The following GBP2 variants were observed in gnomAD, a reference collection of about 807,000 sequenced individuals.
GBP2 encodes guanylate binding protein 2, also known as guanylate-binding protein 2.
Under a neutral mutation model 60.8 loss-of-function variants are expected in GBP2, and 54 were observed. The observed-to-expected ratio is 0.89, with a 90% CI of 0.71 to 1.11. GBP2 has a LOEUF of 1.11. Among genes scored for constraint, GBP2 ranks in the 50% most tolerant of loss-of-function variants. The pLI, the probability that GBP2 is intolerant of heterozygous loss-of-function variation, is 0.00. For synonymous variants in GBP2, 243 were observed against 256.5 expected (o/e 0.95, Z 0.50); for missense variants, 665 against 703.3 (o/e 0.95, Z 0.62).
At chr1:89,116,534 C>T (rs1681276881) in intron 6 of GBP2, among the ~76,000 whole-genome samples, 1 of 151,320 alleles carries the variant, frequency 6.6e-6, no homozygotes, top group African/African-American at 2.4e-5. Flanking sequence ...GGATAAAAGT[C>T]ACATTTCTTT....
chr1:89,125,110 G>A (rs1681494167), intron 1 of GBP2, among the ~76,000 whole-genome samples: 1 of 152,180 alleles, frequency 6.6e-6, no homozygotes, highest in African/African-American at 2.4e-5. Context: ...TGCCTTGAAT[G>A]TCTCAATCCC....
chr1:89,121,245 C>A lies in GBP2; in HGVS notation c.216G>T (p.Lys72Asn), dbSNP rs878926387. The A allele has an allele frequency of 2.5e-6, 4 of 1,610,756 alleles. No homozygotes were observed. The highest frequency in any genetic ancestry group is 3.4e-6 in the Non-Finnish European group (4 of 1,178,054). ...ACATCCAGATTCCCTTGGTGTGAGA[C>A]TTCACTGTGGAGCCTAGAGAGAAGC... The part of the protein sequence containing the change: ...KNGFSLGSTV[K>N]SHTKGIWMWC... Residue 72 changes from lysine (K) to asparagine (N), a missense_variant, in exon 3 of 11, where the codon AAG becomes AAT. Lys to Asn is a moderately conservative substitution (Grantham distance 94). Transcript: ENST00000370466.
rs1439880872 is a variant in GBP2, at chr1:89,121,174, A to C, written c.287T>G (p.Leu96Arg). 1 of 1,612,986 alleles carries C rather than the reference A, an allele frequency of 6.2e-7. No homozygotes were observed. Among genetic ancestry groups the C allele is most frequent in the African/African-American group, 1.3e-5 (1 of 74,934 alleles). Residue 96 changes from leucine (L) to arginine (R), a missense_variant, in exon 3 of 11, where the codon CTC (leucine) becomes CGC (arginine). Transcript: ENST00000370466. ...PKKPEHTLVL[L>R]DTEGLGDIEK... ...TATATCTCCCAGGCCCTCAGTGTCG[A>C]GCAGAACTAGGGTGTGTTCTGGCTT...
intron 4 of GBP2, chr1:89,118,964 A>G (rs1037244749): frequency 6.6e-6 from 1 of 152,208 alleles, no homozygotes; most frequent in Admixed American, 6.5e-5. Context: ...GAAGCTGGAT[A>G]CAAAAGTTTG....
intron 1 of GBP2, 146 bp from the exon 2 acceptor site, chr1:89,122,129 T>G: frequency 2.0e-6 from 1 of 505,818 alleles, no homozygotes; most frequent in Non-Finnish European, 3.4e-6. Context: ...TCTTTAAGGC[T>G]GTCTTACAAA....
rs1681062704 is a variant in GBP2 at position 89,106,807 on chromosome 1, A to G, written c.*1368T>C. 1 of 152,202 alleles carries G rather than the reference A, an allele frequency of 6.6e-6. No individual in the cohort carries two copies. The highest frequency in any genetic ancestry group is 6.5e-5 in the Admixed American group (1 of 15,288). 9.4% of individuals were successfully genotyped at this position (152,202 alleles called of 1,614,324 possible). A position where few individuals can be genotyped will look rare whatever the true frequency, so the allele number is the denominator to read the frequency against. ...GTGAGGCTTAGCTGGAGATGTGAGC[A>G]GCTCAAAGATGCAACTTTTCATGGG... On this transcript the variant is annotated 3_prime_UTR_variant, in exon 11 of 11. Transcript: ENST00000370466.
At chr1:89,114,420 G>C (rs903428371) in intron 6 of GBP2, 124 bp from the exon 7 acceptor site, 1 of 1,179,046 alleles carries the variant, frequency 8.5e-7, no homozygotes, top group Non-Finnish European at 1.2e-6. Flanking sequence ...AATAGTAATG[G>C]AATAATTTGT....
Position 89,106,904 on chromosome 1 carries a change from G to A in GBP2, c.*1271C>T, listed in dbSNP as rs1481679291. The A allele has an allele frequency of 1.3e-5, 2 of 152,154 alleles. No homozygotes were observed. Among genetic ancestry groups the A allele is most frequent in the East Asian group, 3.9e-4 (2 of 5,194 alleles). 9.4% of individuals were successfully genotyped at this position (152,154 alleles called of 1,614,324 possible). On this transcript the variant is annotated 3_prime_UTR_variant, in exon 11 of 11. Transcript: ENST00000370466. ...TTTACTCATAGCTGACACTGCAGAA[G>A]CTTCCAGCATTTCATCCAGAGATCA... is the stretch of plus-strand genomic sequence containing the variant.
chr1:89,110,642 C>T (rs901632746), intron 8 of GBP2, among the ~76,000 whole-genome samples: 1 of 152,052 alleles, frequency 6.6e-6, no homozygotes, highest in African/African-American at 2.4e-5. Context: ...TATGTTCTCA[C>T]ACATAAATTG....
At chr1:89,117,432 T>G (rs1386668062) in intron 5 of GBP2, 145 bp downstream of exon 5, 2 of 896,380 alleles carry the variant, frequency 2.2e-6, no homozygotes, top group African/African-American at 3.4e-5. Flanking sequence ...CCAACTGATA[T>G]AGTCAAGCAA....
At position 89,117,144 on chromosome 1, in the gene GBP2, G is replaced by A; in HGVS notation, c.716C>T (p.Pro239Leu). ...GTGAGCAAGGTACTTCTTAGGAGCG[G>A]GCCAATCGAAGACGAAGCACTTCCT... ...PKRKCFVFDW[P>L]APKKYLAHLE... Residue 239 changes from proline (P) to leucine (L), a missense_variant, in exon 6 of 11, where the codon CCC becomes CTC. Coordinates refer to ENST00000370466, the MANE Select transcript of GBP2 (RefSeq NM_004120.5). The A allele has an allele frequency of 4.3e-6, 7 of 1,614,094 alleles. No individual in the cohort carries two copies. The highest frequency in any genetic ancestry group is 5.9e-6 in the Non-Finnish European group (7 of 1,180,008).
At chr1:89,122,237 C>T (rs1037911740) in intron 1 of GBP2, among the ~76,000 whole-genome samples, 29 of 152,138 alleles carry the variant, frequency 1.9e-4, no homozygotes, top group African/African-American at 6.8e-4. Flanking sequence ...ATCATTTCCC[C>T]TAAAGTTAAA....
At chr1:89,115,668 A>C (rs940994570) in intron 6 of GBP2, among the ~76,000 whole-genome samples, 12 of 152,188 alleles carry the variant, frequency 7.9e-5, no homozygotes, top group Admixed American at 7.2e-4. Context: ...GCATGATCAT[A>C]GCTCACCATA....
intron 6 of GBP2, 98 bp from the exon 7 acceptor site, chr1:89,114,394 T>C: frequency 7.3e-7 from 1 of 1,367,284 alleles, no homozygotes. Context: ...TACTTTTAAA[T>C]AAGTTTTGGA....
chr1:89,114,248 T>G lies in GBP2; in HGVS notation c.917A>C (p.Asp306Ala). Reference protein sequence around the residue: ...LTYVNAISSGDLPCMENAVLA... With the variant: ...LTYVNAISSGALPCMENAVLA... ...GACTGCGTTCTCCATGCAGGGTAGA[T>G]CCCCACTGCTGATGGCATTGACGTA... The change falls in exon 7 of 11, where the codon GAT becomes GCT. Residue 306 changes from aspartate to alanine, a missense_variant. By Grantham distance (126) the Asp-to-Ala change is moderately radical. Transcript: ENST00000370466. The G allele has an allele frequency of 6.2e-7, 1 of 1,614,204 alleles. No individual in the cohort carries two copies. Among genetic ancestry groups the G allele is most frequent in the Non-Finnish European group, 8.5e-7 (1 of 1,180,032 alleles).
intron 8 of GBP2, among the ~76,000 whole-genome samples, chr1:89,111,833 T>C (rs1244266320): frequency 1.3e-5 from 2 of 152,162 alleles, no homozygotes; most frequent in Admixed American, 6.5e-5. Flanking sequence ...AAAGGATAAA[T>C]ACCTGAGTCG....
chr1:89,122,898 T>C (rs1211603360), intron 1 of GBP2, among the ~76,000 whole-genome samples: 1 of 152,262 alleles, frequency 6.6e-6, no homozygotes, highest in Non-Finnish European at 1.5e-5. Flanking sequence ...TTATTAGAGT[T>C]CTAATGTGAG....
chr1:89,109,940 G>C, intron 9 of GBP2, 70 bp from the exon 10 acceptor site: 8 of 1,398,220 alleles, frequency 5.7e-6, no homozygotes, highest in Non-Finnish European at 7.7e-6. Flanking sequence ...CCTTTCCCTC[G>C]TTTTTGTTTG....
At chr1:89,124,539 T>A (rs1681477208) in intron 1 of GBP2, among the ~76,000 whole-genome samples, 1 of 152,236 alleles carries the variant, frequency 6.6e-6, no homozygotes, top group African/African-American at 2.4e-5. Context: ...GGGAATCTTG[T>A]GTCATACATA....
Sources: allele counts gnomAD v4.1 joint callset (sites outside exome capture counted in the v4.1 genomes callset), GRCh38; gene constraint gnomAD v4.1.1; transcripts MANE v1.5; gene names NCBI Gene and HGNC (gene_info 2026-07-23, HGNC 2026-07-21).